The following RBCK1 variants were observed in gnomAD, a reference collection of about 807,000 sequenced individuals.
The protein encoded by RBCK1 is ranBP-type and C3HC4-type zinc finger-containing protein 1.
In RBCK1, 44 loss-of-function variants were observed where a neutral mutation model predicts 71.1. The ratio of observed to expected loss-of-function variants is 0.62; its 90% confidence interval spans 0.49 to 0.80. RBCK1 has a LOEUF of 0.80. RBCK1 is among the 30% of genes least tolerant of loss of function. The pLI is 0.00. For missense variants in RBCK1, 569 were observed against 685.0 expected (o/e 0.83, Z 1.89); for synonymous variants, 306 against 279.7 (o/e 1.09, Z -0.94).
Position 417,971 on chromosome 20 carries a change from C to G in RBCK1, c.460+41C>G. The G allele has an allele frequency of 6.4e-7, 1 of 1,571,634 alleles. No individual in the cohort carries two copies. Among genetic ancestry groups the G allele is most frequent in the South Asian group, 1.1e-5 (1 of 88,260 alleles). ...GAGCACCGCCGGACCCAGCGGGGGC[C>G]CTGGACTCACTTGAGGGCATAGGGC... On this transcript the variant is annotated intron_variant, in intron 4 of 11. Transcript: ENST00000356286. This position sits in a 1 kb window ranked among gnomAD's most constrained non-coding sequence, Gnocchi z 4.7.
intron 1 of RBCK1, among the ~76,000 whole-genome samples, chr20:409,453 G>A (rs2015563990): frequency 6.6e-6 from 1 of 151,448 alleles, no homozygotes; most frequent in Non-Finnish European, 1.5e-5. Flanking sequence ...TGCCAGCAAG[G>A]ATCGCAATCT....
At position 421,037 on chromosome 20, in the gene RBCK1, G is replaced by T; in HGVS notation, c.917+6G>T. On this transcript the variant is annotated splice_donor_region_variant and intron_variant, in intron 7 of 11. Transcript: ENST00000356286. ...TGTCTGCACACCTTCTGCAGGTGCGGCCCCCAGTCCCACCCCCGGCAATGC... is the reference window on the plus strand; with the variant it reads ...TGTCTGCACACCTTCTGCAGGTGCGTCCCCCAGTCCCACCCCCGGCAATGC... 1 of 1,541,666 alleles carries T rather than the reference G, an allele frequency of 6.5e-7. No individual in the cohort carries two copies. Among genetic ancestry groups the T allele is most frequent in the Admixed American group, 1.9e-5 (1 of 52,620 alleles).
rs2016521063 is a variant in RBCK1 at position 422,893 on chromosome 20, A to C, written c.1029+655A>C. Among the ~76,000 whole-genome samples, 1 of 151,936 alleles carries C rather than the reference A, an allele frequency of 6.6e-6. No homozygotes were observed. The highest frequency in any genetic ancestry group is 2.1e-4 in the South Asian group (1 of 4,832). On this transcript the variant is annotated intron_variant, in intron 8 of 11. Coordinates refer to ENST00000356286, the MANE Select transcript of RBCK1 (RefSeq NM_031229.4). This position sits in a 1 kb window ranked among gnomAD's most constrained non-coding sequence, Gnocchi z 5.0. ...AGCCTGGTGGCCTGGGTGTGTGACCACAAGTCAGATATTTAACCTCTCTAT... is the reference window on the plus strand; with the variant it reads ...AGCCTGGTGGCCTGGGTGTGTGACCCCAAGTCAGATATTTAACCTCTCTAT...
rs879457778 is a variant in RBCK1 at position 422,839 on chromosome 20, G to GA, written c.1029+611dup. On this transcript the variant is annotated intron_variant, in intron 8 of 11. Coordinates refer to ENST00000356286, the MANE Select transcript of RBCK1 (RefSeq NM_031229.4). The surrounding 1 kb of genome is among the most constrained non-coding windows in gnomAD (Gnocchi z 5.0). ...AGAGTGAGACCTTGCCTCAAAAAAA[G>GA]AAAAAAAAAATTAGTCAGGGAACTC... 4.1e-4 allele frequency among the ~76,000 whole-genome samples: 60 copies of GA among 147,626 alleles called. No homozygotes were observed. Among genetic ancestry groups the GA allele is most frequent in the African/African-American group, 1.3e-3 (54 of 40,238 alleles).
In RBCK1 at chr20:430,554, G is replaced by A. The variant is rs922762226; in HGVS notation, c.*124G>A. On this transcript the variant is annotated 3_prime_UTR_variant, in exon 12 of 12. Coordinates refer to ENST00000356286, the MANE Select transcript of RBCK1 (RefSeq NM_031229.4). This position sits in a 1 kb window ranked among gnomAD's most constrained non-coding sequence, Gnocchi z 5.6. ...GTTGTAGGGGCCCTGCCTGCACTGC[G>A]GTTGTCCACGGTCACATCTGCCCCA... The A allele has an allele frequency of 8.1e-5, 74 of 910,750 alleles. No individual in the cohort carries two copies. Among genetic ancestry groups the A allele is most frequent in the Non-Finnish European group, 1.1e-4 (66 of 584,684 alleles). 56.4% of individuals were successfully genotyped at this position (910,750 alleles called of 1,614,324 possible).
At chr20:409,668 C>T (rs1170077675) in intron 1 of RBCK1, among the ~76,000 whole-genome samples, 2 of 152,020 alleles carry the variant, frequency 1.3e-5, no homozygotes, top group Non-Finnish European at 2.9e-5. Flanking sequence ...GACAAACAAC[C>T]AAATGAGCCT....
chr20:409,258 GC>G (rs2122163934), intron 1 of RBCK1, among the ~76,000 whole-genome samples: 1 of 152,312 alleles, frequency 6.6e-6, no homozygotes, highest in East Asian at 1.9e-4. Context: ...CTCTACTGGA[GC>G]CCCACTGGCT....
chr20:430,569 C>G lies in RBCK1; in HGVS notation c.*139C>G. 1 of 810,264 alleles carries G rather than the reference C, an allele frequency of 1.2e-6. No individual in the cohort carries two copies. The highest frequency in any genetic ancestry group is 1.6e-5 in the South Asian group (1 of 61,870). The allele number at this position is 810,264 out of a possible 1,614,324, so 50.2% of individuals were successfully genotyped here. On this transcript the variant is annotated 3_prime_UTR_variant, in exon 12 of 12. Coordinates refer to ENST00000356286, the MANE Select transcript of RBCK1 (RefSeq NM_031229.4). The surrounding 1 kb of genome is among the most constrained non-coding windows in gnomAD (Gnocchi z 5.6). Reference sequence around the variant, plus strand: ...CCTGCACTGCGGTTGTCCACGGTCACATCTGCCCCAGTGCCTTTGTCCTTC... The same window carrying G: ...CCTGCACTGCGGTTGTCCACGGTCAGATCTGCCCCAGTGCCTTTGTCCTTC...
intron 11 of RBCK1, among the ~76,000 whole-genome samples, chr20:429,773 C>G (rs1027147306): frequency 3.3e-5 from 5 of 152,150 alleles, no homozygotes; most frequent in African/African-American, 1.2e-4. Context: ...TAGAGGACAG[C>G]AAGTAAAGGT....
rs2015491731 is a variant in RBCK1, at chr20:408,381, A to T, written c.-377A>T. On this transcript the variant is annotated 5_prime_UTR_variant, in exon 1 of 12. Coordinates refer to ENST00000356286, the MANE Select transcript of RBCK1 (RefSeq NM_031229.4). ...GGAGGAGAGAGGGCTTTGCCTTGAA[A>T]CCCGGGACGCCAGGGGCGCTCCCGC... 2.7e-6 allele frequency: 1 copy of T among 373,806 alleles called. No homozygotes were observed. The highest frequency in any genetic ancestry group is 3.3e-5 in the South Asian group (1 of 29,974). The allele number at this position is 373,806 out of a possible 1,614,324, so 23.2% of individuals were successfully genotyped here. A position where few individuals can be genotyped will look rare whatever the true frequency, so the allele number is the denominator to read the frequency against.
chr20:419,934 G>A, intron 6 of RBCK1: 1 of 1,421,948 alleles, frequency 7.0e-7, no homozygotes, highest in Non-Finnish European at 9.2e-7. Flanking sequence ...CTGTGGCTGA[G>A]ACCCGCTCCC....
chr20:424,436 C>T (rs976534940), intron 8 of RBCK1, among the ~76,000 whole-genome samples: 1 of 152,088 alleles, frequency 6.6e-6, no homozygotes, highest in Non-Finnish European at 1.5e-5. Context: ...TTATTTCTGT[C>T]CCCCCTGCCT....
intron 8 of RBCK1, among the ~76,000 whole-genome samples, chr20:423,314 T>C (rs1158769772): frequency 6.6e-6 from 1 of 152,070 alleles, no homozygotes; most frequent in Non-Finnish European, 1.5e-5. Flanking sequence ...TATATATATA[T>C]ATATTTAGAG....
chr20:412,719 TTC>T (rs2015779169), intron 2 of RBCK1, among the ~76,000 whole-genome samples: 2 of 152,234 alleles, frequency 1.3e-5, no homozygotes, highest in South Asian at 2.1e-4. Flanking sequence ...TGCAAAAATT[TTC>T]TCTCATTCTG....
At chr20:419,791 G>A (rs1355959775) in intron 6 of RBCK1, 60 bp downstream of exon 6, 2 of 1,500,114 alleles carry the variant, frequency 1.3e-6, no homozygotes. Context: ...TGTAGGCCAG[G>A]AAGGGAGACA....
At chr20:421,374 G>GC (rs1009150960) in intron 7 of RBCK1, among the ~76,000 whole-genome samples, 4 of 152,010 alleles carry the variant, frequency 2.6e-5, no homozygotes, top group South Asian at 2.1e-4. Flanking sequence ...TCCTGTCATG[G>GC]CCCCCCCACC....
chr20:421,999 T>C, intron 7 of RBCK1, 128 bp from the exon 8 acceptor site: 3 of 635,604 alleles, frequency 4.7e-6, no homozygotes, highest in Non-Finnish European at 8.2e-6. Flanking sequence ...AGGAAGGAGA[T>C]ATTGAGGAGA....
intron 7 of RBCK1, chr20:421,816 G>C: frequency 2.9e-6 from 1 of 347,610 alleles, no homozygotes; most frequent in Non-Finnish European, 5.3e-6. Flanking sequence ...TCACTGGGGA[G>C]ACATGGCTGC....
At chr20:409,364 T>C (rs1165314889) in intron 1 of RBCK1, among the ~76,000 whole-genome samples, 1 of 152,188 alleles carries the variant, frequency 6.6e-6, no homozygotes, top group Non-Finnish European at 1.5e-5. Flanking sequence ...CACGTGCAGC[T>C]TCTCCTCCTT....
Sources: gnomAD v4.1 joint callset for allele counts (sites outside exome capture counted in the v4.1 genomes callset) on GRCh38, gnomAD v4.1.1 for gene constraint, Gnocchi (gnomAD v3.1) non-coding constraint, MANE v1.5 for transcripts, NCBI Gene and HGNC (gene_info 2026-07-23, HGNC 2026-07-21) for gene names.